MEGF6: variants seen among roughly 807,000 people sequenced by gnomAD.
MEGF6 encodes multiple EGF like domains 6, also known as multiple epidermal growth factor-like domains protein 6.
Under a neutral mutation model 207.1 loss-of-function variants are expected in MEGF6, and 184 were observed. That is an observed-to-expected ratio of 0.89 (90% CI 0.79 to 1.00). The LOEUF is 1.00. Among genes scored for constraint, MEGF6 ranks in the 50% least tolerant of loss-of-function variants. The pLI is 0.00. For synonymous variants in MEGF6, 1,038 were observed against 910.0 expected (o/e 1.14, Z -2.53); for missense variants, 2,282 against 2,202.9 (o/e 1.04, Z -0.72).
chr1:3,620,360 C>T, the MEGF6 span, among the ~76,000 whole-genome samples: 2 of 152,246 alleles, frequency 1.3e-5, no homozygotes, highest in Admixed American at 6.5e-5. Context: ...GAGAGCTTCA[C>T]GGCAGACCCT....
At chr1:3,571,050 G>A (rs918968911) in intron 4 of MEGF6, among the ~76,000 whole-genome samples, 5 of 152,162 alleles carry the variant, frequency 3.3e-5, no homozygotes, top group African/African-American at 1.2e-4. Context: ...GGGGCCTCCA[G>A]GGACCCCATT....
Position 3,507,849 on chromosome 1 carries a change from CAG to C in MEGF6, c.1733_1734del (p.Ser578CysfsTer15). 1.2e-6 allele frequency: 2 copies of C among 1,612,834 alleles called. No individual in the cohort carries two copies. The highest frequency in any genetic ancestry group is 8.5e-7 in the Non-Finnish European group (1 of 1,179,984). On this transcript the variant is annotated frameshift_variant, in exon 14 of 37. Coordinates refer to ENST00000356575, the MANE Select transcript of MEGF6 (RefSeq NM_001409.4). LOFTEE classifies it high-confidence loss of function. The part of the protein sequence containing the change: ...CSCQNGGTCD[S>X]VTGACRCPPG... ...GGGGGGCAGCGGCAGGCCCCCGTGA[CAG>C]AGTCGCAGGTCCCACCATTCTGACA...
chr1:3,559,672 G>A (rs1428231159), intron 4 of MEGF6, among the ~76,000 whole-genome samples: 1 of 152,066 alleles, frequency 6.6e-6, no homozygotes, highest in Non-Finnish European at 1.5e-5. Flanking sequence ...GGAAGACACA[G>A]GAAAGGAGGC....
chr1:3,568,056 G>A (rs368242151), intron 4 of MEGF6, among the ~76,000 whole-genome samples: 28 of 152,308 alleles, frequency 1.8e-4, no homozygotes, highest in African/African-American at 6.5e-4. Flanking sequence ...AAACGCCAGA[G>A]AGGCCTGGCG....
intron 5 of MEGF6, among the ~76,000 whole-genome samples, chr1:3,519,843 C>G (rs1641678653): frequency 1.3e-5 from 2 of 152,226 alleles, no homozygotes; most frequent in Admixed American, 6.5e-5. Flanking sequence ...TGGGGAGACC[C>G]AGGCCTGGGT....
At chr1:3,521,434 T>G (rs1641742401) in intron 5 of MEGF6, among the ~76,000 whole-genome samples, 1 of 152,132 alleles carries the variant, frequency 6.6e-6, no homozygotes, top group Non-Finnish European at 1.5e-5. Context: ...CAGGCCGAGC[T>G]GCCGCAGGAG....
rs796455295 is a variant in MEGF6, at chr1:3,501,102, C to T, written c.2447-8G>A. 3.1e-6 allele frequency: 5 copies of T among 1,612,680 alleles called. No individual in the cohort carries two copies. The African/African-American group carries it at 6.7e-5, about 21-fold the overall frequency. Reference sequence around the variant, plus strand: ...ACCAGCCTGCTGGGCACACTACAGGCAGGCGAGAGAGGGTGAGTGGGGCCT... The same window carrying T: ...ACCAGCCTGCTGGGCACACTACAGGTAGGCGAGAGAGGGTGAGTGGGGCCT... On this transcript the variant is annotated splice_polypyrimidine_tract_variant and splice_region_variant and intron_variant, in intron 19 of 36. Transcript: ENST00000356575.
chr1:3,564,611 T>A (rs1197363440), intron 4 of MEGF6, among the ~76,000 whole-genome samples: 1 of 152,062 alleles, frequency 6.6e-6, no homozygotes, highest in Non-Finnish European at 1.5e-5. Flanking sequence ...AGAACCACCA[T>A]CTCTCCTGGT....
At position 3,560,702 on chromosome 1, in the gene MEGF6, G is replaced by T. The variant is rs1453483096; in HGVS notation, c.481+19123C>A. The T allele has an allele frequency of 6.6e-6, 3 of 456,488 alleles. No homozygotes were observed. The Admixed American group carries it at 7.3e-5, about 11-fold the overall frequency. 28.3% of individuals were successfully genotyped at this position (456,488 alleles called of 1,614,324 possible). ...ACCCCTCCCCATCTGTGGTTTCCAG[G>T]GCAACCCTGGAAACCAAGAGTGGGT... On this transcript the variant is annotated intron_variant, in intron 4 of 36. Coordinates refer to ENST00000356575, the MANE Select transcript of MEGF6 (RefSeq NM_001409.4). This position sits in a 1 kb window ranked among gnomAD's most constrained non-coding sequence, Gnocchi z 4.0.
Position 3,611,306 on chromosome 1 carries a change from G to C in MEGF6, c.-38C>G. The C allele has an allele frequency of 6.4e-6, 9 of 1,406,742 alleles. No individual in the cohort carries two copies. The highest frequency in any genetic ancestry group is 8.3e-6 in the Non-Finnish European group (9 of 1,086,718). 87.1% of individuals were successfully genotyped at this position (1,406,742 alleles called of 1,614,324 possible). On this transcript the variant is annotated 5_prime_UTR_variant, in exon 1 of 37. Coordinates refer to ENST00000356575, the MANE Select transcript of MEGF6 (RefSeq NM_001409.4). ...TGCCTCCTCCGCTCTCCGGCTCACA[G>C]GCGGCCCCGGCGGCTCCCCGGAGCC...
chr1:3,588,769 A>G (rs952336660), intron 3 of MEGF6, among the ~76,000 whole-genome samples: 3 of 152,030 alleles, frequency 2.0e-5, no homozygotes, highest in Non-Finnish European at 4.4e-5. Flanking sequence ...CTGCAAATCC[A>G]GAATCCCACC....
chr1:3,497,618 C>G, intron 26 of MEGF6: 1 of 665,474 alleles, frequency 1.5e-6, no homozygotes, highest in East Asian at 2.9e-5. Flanking sequence ...GCCCTTGGCA[C>G]AGGCTGCAGG....
chr1:3,602,571 G>T lies in MEGF6; in HGVS notation c.161C>A (p.Thr54Asn), dbSNP rs771006306. The T allele has an allele frequency of 1.6e-5, 25 of 1,611,926 alleles. No homozygotes were observed. The highest frequency in any genetic ancestry group is 1.9e-5 in the Non-Finnish European group (22 of 1,179,494). ...GCACGGCTGGCGGCGGCCCACCAGG[G>T]TCAGCTCCTGCTCAGCACACACGTG... ...MPHVCAEQEL[T>N]LVGRRQPCVQ... Residue 54 changes from threonine (T) to asparagine (N), a missense_variant, in exon 2 of 37, where the codon ACC becomes AAC. Transcript: ENST00000356575.
chr1:3,526,914 A>G (rs1641987090), intron 4 of MEGF6, among the ~76,000 whole-genome samples: 1 of 152,186 alleles, frequency 6.6e-6, no homozygotes, highest in South Asian at 2.1e-4. Context: ...AGGGAAGGCA[A>G]CATTTAGCTC....
intron 3 of MEGF6, among the ~76,000 whole-genome samples, chr1:3,586,812 G>A (rs1643900086): frequency 6.6e-6 from 1 of 152,208 alleles, no homozygotes; most frequent in Admixed American, 6.5e-5. Context: ...GACCCAGGAG[G>A]GGAGGGAGAC....
intron 22 of MEGF6, 34 bp from the exon 23 acceptor site, chr1:3,499,750 A>C (rs774268604): frequency 6.3e-7 from 1 of 1,594,176 alleles, no homozygotes; most frequent in South Asian, 1.1e-5. Context: ...GGAGGGGCCC[A>C]CACTGGAGGC....
At chr1:3,531,031 G>A (rs1642143298) in intron 4 of MEGF6, 1 of 1,439,868 alleles carries the variant, frequency 6.9e-7, no homozygotes, top group Non-Finnish European at 9.1e-7. Context: ...GAGCGCGCCG[G>A]GGAGCGCCCT....
intron 3 of MEGF6, among the ~76,000 whole-genome samples, chr1:3,590,958 C>T (rs527597511): frequency 1.4e-4 from 21 of 152,178 alleles, no homozygotes; most frequent in Non-Finnish European, 2.9e-4. Flanking sequence ...GTCTAGGAAG[C>T]AGGGAGGACC....
In MEGF6 at chr1:3,565,551, G is replaced by C. The variant is rs993525676; in HGVS notation, c.481+14274C>G. On this transcript the variant is annotated intron_variant, in intron 4 of 36. Transcript: ENST00000356575. The surrounding 1 kb of genome is among the most constrained non-coding windows in gnomAD (Gnocchi z 4.8). Reference sequence around the variant, plus strand: ...GCCTGGCTTGAGAGGAGGACGCTTCGTGCGGGGCTGCCTGGCCTGGCCCTG... The same window carrying C: ...GCCTGGCTTGAGAGGAGGACGCTTCCTGCGGGGCTGCCTGGCCTGGCCCTG... Among the ~76,000 whole-genome samples, 1 of 152,178 alleles carries C rather than the reference G, an allele frequency of 6.6e-6. No homozygotes were observed. Among genetic ancestry groups the C allele is most frequent in the Non-Finnish European group, 1.5e-5 (1 of 68,014 alleles).
Sources: gnomAD v4.1 joint callset for allele counts (sites outside exome capture counted in the v4.1 genomes callset) on GRCh38, gnomAD v4.1.1 for gene constraint, Gnocchi (gnomAD v3.1) non-coding constraint, MANE v1.5 for transcripts, NCBI Gene and HGNC (gene_info 2026-07-23, HGNC 2026-07-21) for gene names.